Variants in PDE3A observed in about 807,000 individuals in gnomAD.
The protein encoded by PDE3A is cGMP-inhibited 3',5'-cyclic phosphodiesterase 3A.
A neutral mutation model predicts 98.3 loss-of-function variants in PDE3A; 43 were observed. That is an observed-to-expected ratio of 0.44 (90% CI 0.34 to 0.56). The LOEUF (loss-of-function observed/expected upper bound fraction) is 0.56. Among genes scored for constraint, PDE3A ranks in the 20% least tolerant of loss-of-function variants. The pLI, the probability that PDE3A is intolerant of heterozygous loss-of-function variation, is 0.01. For missense variants in PDE3A, 1,427 were observed against 1,440.7 expected, an observed-to-expected ratio of 0.99 and a Z score of 0.15; for synonymous variants, 663 against 567.9, an observed-to-expected ratio of 1.17 and a Z score of -2.38.
intron 1 of PDE3A, among the ~76,000 whole-genome samples, chr12:20,487,709 A>G (rs1405032174): frequency 6.6e-6 from 1 of 151,756 alleles, no homozygotes; most frequent in Non-Finnish European, 1.5e-5. Flanking sequence ...GCAATATTCA[A>G]TTGCATTCCA....
intron 1 of PDE3A, among the ~76,000 whole-genome samples, chr12:20,383,488 C>G (rs1378794389): frequency 6.6e-6 from 1 of 151,910 alleles, no homozygotes; most frequent in Admixed American, 6.6e-5. Context: ...CCTCAGGATG[C>G]TGTCTCTTTT....
rs1007042955 is a variant in PDE3A, at chr12:20,368,779, C to T, written c.-506C>T. On this transcript the variant is annotated 5_prime_UTR_variant, in exon 1 of 16. Transcript: ENST00000359062. ...CAGGAAGGAGGAGAAGGGAGACCTCCATCTGCCGCGGGCCCGGCGCGCTGC... is the reference window on the plus strand; with the variant it reads ...CAGGAAGGAGGAGAAGGGAGACCTCTATCTGCCGCGGGCCCGGCGCGCTGC... 6.6e-6 allele frequency among the ~76,000 whole-genome samples: 1 copy of T among 152,004 alleles called. No individual in the cohort carries two copies. The highest frequency in any genetic ancestry group is 2.4e-5 in the African/African-American group (1 of 41,428).
At chr12:20,532,758 G>A (rs1165506131) in intron 1 of PDE3A, among the ~76,000 whole-genome samples, 6 of 146,408 alleles carry the variant, frequency 4.1e-5, no homozygotes, top group South Asian at 2.2e-4. Context: ...GCGCGATCTC[G>A]GCTCACTGCA....
intron 1 of PDE3A, among the ~76,000 whole-genome samples, chr12:20,499,283 A>G (rs1409572898): frequency 6.6e-6 from 1 of 152,096 alleles, no homozygotes; most frequent in Non-Finnish European, 1.5e-5. Flanking sequence ...GCTACTGTGG[A>G]CTTGTTTGAA....
rs554698390 is a variant in PDE3A, at chr12:20,521,324, T to TA, written c.961-35334dup. On this transcript the variant is annotated intron_variant, in intron 1 of 15. Coordinates refer to ENST00000359062, the MANE Select transcript of PDE3A (RefSeq NM_000921.5). ...AATTTGTGGTACGAAAGAGGAGTGGTAACATGAATAATAAGAGATTTTTTT... is the reference window on the plus strand; with the variant it reads ...AATTTGTGGTACGAAAGAGGAGTGGTAAACATGAATAATAAGAGATTTTTTT... Among the ~76,000 whole-genome samples, 458 of 152,234 alleles carry TA rather than the reference T, an allele frequency of 3.0e-3. 2 individuals are homozygous for TA. The highest frequency in any genetic ancestry group is 4.9e-3 in the Non-Finnish European group (333 of 68,020).
intron 1 of PDE3A, among the ~76,000 whole-genome samples, chr12:20,490,349 A>T (rs904978144): frequency 6.6e-6 from 1 of 152,222 alleles, no homozygotes; most frequent in Non-Finnish European, 1.5e-5. Flanking sequence ...GAAAGGACAC[A>T]TACATTCCAA....
chr12:20,550,021 C>T (rs990005496), intron 1 of PDE3A, among the ~76,000 whole-genome samples: 3 of 152,064 alleles, frequency 2.0e-5, no homozygotes, highest in Admixed American at 1.3e-4. Context: ...AAATCGTCAT[C>T]GTTAAGATAA....
At chr12:20,371,349 C>G (rs1943471410) in intron 1 of PDE3A, 4 of 985,170 alleles carry the variant, frequency 4.1e-6, no homozygotes, top group Non-Finnish European at 4.8e-6. Context: ...GTGGATTTGA[C>G]ACTTGATGGG....
At position 20,680,378 on chromosome 12, in the gene PDE3A, A is replaced by C. The variant is rs1945746275; in HGVS notation, c.*107A>C. 8.8e-7 allele frequency: 1 copy of C among 1,134,738 alleles called. No individual in the cohort carries two copies. Among genetic ancestry groups the C allele is most frequent in the Non-Finnish European group, 1.3e-6 (1 of 791,390 alleles). 70.3% of individuals were successfully genotyped at this position (1,134,738 alleles called of 1,614,324 possible). ...CACTGTAGAAATTTGAGATGGGCAAATGGCTATTGCATTTTGGGATTCTTC... is the reference window on the plus strand; with the variant it reads ...CACTGTAGAAATTTGAGATGGGCAACTGGCTATTGCATTTTGGGATTCTTC... On this transcript the variant is annotated 3_prime_UTR_variant, in exon 16 of 16. Coordinates refer to ENST00000359062, the MANE Select transcript of PDE3A (RefSeq NM_000921.5).
intron 8 of PDE3A, 134 bp downstream of exon 8, chr12:20,635,190 G>C (rs972254026): frequency 1.4e-6 from 1 of 714,374 alleles, no homozygotes; most frequent in Non-Finnish European, 2.3e-6. Flanking sequence ...GGAGGACGAA[G>C]CGGGCAGATC....
At chr12:20,435,853 A>G (rs1591929472) in intron 1 of PDE3A, among the ~76,000 whole-genome samples, 1 of 152,146 alleles carries the variant, frequency 6.6e-6, no homozygotes, top group East Asian at 1.9e-4. Context: ...AGCTGGGCAA[A>G]CAATTTAAAT....
chr12:20,558,695 A>AATG (rs1942433681), intron 2 of PDE3A, among the ~76,000 whole-genome samples: 1 of 112,462 alleles, frequency 8.9e-6, no homozygotes, highest in African/African-American at 2.8e-5. Context: ...CTGACGAAAT[A>AATG]ATAATAATAA....
intron 1 of PDE3A, among the ~76,000 whole-genome samples, chr12:20,494,346 A>C (rs189090941): frequency 6.6e-6 from 1 of 152,306 alleles, no homozygotes; most frequent in Admixed American, 6.5e-5. Flanking sequence ...CCCTGCACTT[A>C]GGTTTCATAT....
intron 1 of PDE3A, among the ~76,000 whole-genome samples, chr12:20,555,358 A>G (rs1942343864): frequency 1.3e-5 from 2 of 152,298 alleles, no homozygotes; most frequent in African/African-American, 2.4e-5. Flanking sequence ...GGTGTACAAC[A>G]TAATATTTTG....
chr12:20,502,817 G>A (rs1163981148), intron 1 of PDE3A, among the ~76,000 whole-genome samples: 3 of 152,046 alleles, frequency 2.0e-5, no homozygotes, highest in Non-Finnish European at 2.9e-5. Context: ...GGGACACTTC[G>A]GGACATTCAC....
chr12:20,381,460 A>G (rs1591863120), intron 1 of PDE3A, among the ~76,000 whole-genome samples: 1 of 151,878 alleles, frequency 6.6e-6, no homozygotes, highest in African/African-American at 2.4e-5. Flanking sequence ...TGTAAAAACT[A>G]GAACGCTTTA....
intron 1 of PDE3A, among the ~76,000 whole-genome samples, chr12:20,443,192 C>A (rs2120851775): frequency 6.6e-6 from 1 of 151,892 alleles, no homozygotes; most frequent in African/African-American, 2.4e-5. Flanking sequence ...GTTTTTATTT[C>A]TTTTTGCAAG....
intron 1 of PDE3A, among the ~76,000 whole-genome samples, chr12:20,390,321 A>C (rs1452978673): frequency 1.3e-5 from 2 of 151,966 alleles, no homozygotes; most frequent in East Asian, 3.9e-4. Flanking sequence ...CAGATTAAAC[A>C]TAATTATTCT....
chr12:20,648,907 C>G lies in PDE3A; in HGVS notation c.2769+16C>G. The G allele has an allele frequency of 6.9e-7, 1 of 1,454,776 alleles. No individual in the cohort carries two copies. The allele number at this position is 1,454,776 out of a possible 1,614,324, so 90.1% of individuals were successfully genotyped here. A position where few individuals can be genotyped will look rare whatever the true frequency, so the allele number is the denominator to read the frequency against. On this transcript the variant is annotated intron_variant, in intron 13 of 15. Transcript: ENST00000359062. ...TAATGGCAAGGTAAATAGAGCTGTA[C>G]CCAGTTTTCTTTTCTTTTTCTTTTT...
Sources: gnomAD v4.1 joint callset for allele counts (sites outside exome capture counted in the v4.1 genomes callset) on GRCh38, gnomAD v4.1.1 for gene constraint, MANE v1.5 for transcripts, NCBI Gene and HGNC (gene_info 2026-07-23, HGNC 2026-07-21) for gene names.